The following KCNQ5 variants were observed in gnomAD, a reference collection of about 807,000 sequenced individuals.
KCNQ5 encodes the protein potassium voltage-gated channel subfamily Q member 5, also known as potassium voltage-gated channel subfamily KQT member 5.
Under a neutral mutation model 98.2 loss-of-function variants are expected in KCNQ5, and 30 were observed. That is an observed-to-expected ratio of 0.31 (90% CI 0.23 to 0.41). The LOEUF (loss-of-function observed/expected upper bound fraction) is 0.41, where lower values mean the gene tolerates loss of function less well. Among genes scored for constraint, KCNQ5 ranks in the 10% least tolerant of loss-of-function variants. KCNQ5 has a pLI of 1.00. For missense variants in KCNQ5, 835 were observed against 1,182.5 expected (o/e 0.71, Z 4.31); for synonymous variants, 458 against 449.4 (o/e 1.02, Z -0.24).
chr6:73,070,892 C>T (rs1773274972), intron 3 of KCNQ5, among the ~76,000 whole-genome samples: 1 of 152,112 alleles, frequency 6.6e-6, no homozygotes, highest in Non-Finnish European at 1.5e-5. Context: ...GCTACCTTTA[C>T]CACAAAGACT....
chr6:72,671,701 A>T (rs952793699), intron 1 of KCNQ5, among the ~76,000 whole-genome samples: 8 of 152,204 alleles, frequency 5.3e-5, no homozygotes. Context: ...CTTCCTTGCA[A>T]CCTAGTTCAT....
At chr6:72,773,540 G>T (rs955579296) in intron 1 of KCNQ5, among the ~76,000 whole-genome samples, 1 of 152,068 alleles carries the variant, frequency 6.6e-6, no homozygotes, top group Non-Finnish European at 1.5e-5. Context: ...ACCATGGCAT[G>T]TGTATACCTG....
intron 3 of KCNQ5, among the ~76,000 whole-genome samples, chr6:73,057,555 AG>A (rs1772577870): frequency 6.6e-6 from 1 of 152,118 alleles, no homozygotes; most frequent in Non-Finnish European, 1.5e-5. Context: ...GGTAGGTGAA[AG>A]ATCTCTACAA....
In KCNQ5 at chr6:72,820,484, C is replaced by CT. The variant is rs529567477; in HGVS notation, c.399-183413dup. The stretch of plus-strand genomic sequence containing the variant: ...CTTCTTTTTCTTTCTTTCTTTCTTT[C>CT]TTTTTTTTTTTGTAAGTTGATTTAA... On this transcript the variant is annotated intron_variant, in intron 1 of 13. Transcript: ENST00000370398. 5.7e-3 allele frequency among the ~76,000 whole-genome samples: 834 copies of CT among 145,468 alleles called. 6 individuals are homozygous for CT. Among genetic ancestry groups the CT allele is most frequent in the African/African-American group, 0.016 (628 of 39,956 alleles).
chr6:72,625,550 G>C (rs1010976489), intron 1 of KCNQ5, among the ~76,000 whole-genome samples: 5 of 152,180 alleles, frequency 3.3e-5, no homozygotes, highest in Admixed American at 6.5e-5. Context: ...ACAGGATGAG[G>C]CTTCATATAT....
chr6:72,812,031 G>C (rs762602291), intron 1 of KCNQ5, among the ~76,000 whole-genome samples: 1 of 152,134 alleles, frequency 6.6e-6, no homozygotes, highest in South Asian at 2.1e-4. Context: ...ACTTCCTGAC[G>C]TTGCCATGGT....
intron 1 of KCNQ5, among the ~76,000 whole-genome samples, chr6:72,657,552 A>G (rs1458721371): frequency 6.6e-6 from 1 of 152,226 alleles, no homozygotes; most frequent in Non-Finnish European, 1.5e-5. Context: ...TTTGCCTCAT[A>G]GACTGTAAGT....
At chr6:73,080,690 C>G (rs147049978) in intron 5 of KCNQ5, among the ~76,000 whole-genome samples, 66 of 152,244 alleles carry the variant, frequency 4.3e-4, no homozygotes, top group Middle Eastern at 3.4e-3. Context: ...GAAATGATAG[C>G]ATCCTAAATG....
chr6:73,049,441 G>A (rs1271041831), intron 3 of KCNQ5, among the ~76,000 whole-genome samples: 1 of 152,202 alleles, frequency 6.6e-6, no homozygotes, highest in East Asian at 1.9e-4. Flanking sequence ...AAAAGTCGAG[G>A]CACTGTGAAG....
chr6:72,749,009 C>A (rs759519534), intron 1 of KCNQ5, among the ~76,000 whole-genome samples: 12 of 152,158 alleles, frequency 7.9e-5, no homozygotes, highest in Non-Finnish European at 1.8e-4. Context: ...TCCCTGACCA[C>A]CTGTGGTTTG....
chr6:72,802,504 A>G (rs1015838223), intron 1 of KCNQ5, among the ~76,000 whole-genome samples: 1 of 152,142 alleles, frequency 6.6e-6, no homozygotes, highest in African/African-American at 2.4e-5. Flanking sequence ...AAAGTTAACC[A>G]TTGACTCAGC....
At chr6:73,047,639 A>C (rs575372413) in intron 3 of KCNQ5, among the ~76,000 whole-genome samples, 29 of 152,372 alleles carry the variant, frequency 1.9e-4, no homozygotes, top group African/African-American at 6.5e-4. Context: ...TATAAACTTT[A>C]GTAGAGCACT....
intron 1 of KCNQ5, among the ~76,000 whole-genome samples, chr6:72,891,315 A>T (rs1183264691): frequency 6.6e-6 from 1 of 152,242 alleles, no homozygotes; most frequent in Non-Finnish European, 1.5e-5. Flanking sequence ...TCAATTCTAC[A>T]CTTGAGTATG....
intron 10 of KCNQ5, among the ~76,000 whole-genome samples, chr6:73,147,648 A>C (rs1165517149): frequency 6.6e-6 from 1 of 152,214 alleles, no homozygotes; most frequent in Non-Finnish European, 1.5e-5. Context: ...AGTGCATGGC[A>C]AATAATAGAA....
At chr6:72,912,614 C>T (rs2150207300) in intron 1 of KCNQ5, among the ~76,000 whole-genome samples, 1 of 152,254 alleles carries the variant, frequency 6.6e-6, no homozygotes, top group African/African-American at 2.4e-5. Context: ...TGGCATTCTC[C>T]TAGTATAATA....
chr6:72,677,792 T>C (rs1287081779), intron 1 of KCNQ5, among the ~76,000 whole-genome samples: 4 of 152,216 alleles, frequency 2.6e-5, no homozygotes, highest in Non-Finnish European at 5.9e-5. Context: ...TCTATTGAAC[T>C]ATAAATCAAA....
chr6:73,170,575 A>G (rs1407960266), intron 11 of KCNQ5, among the ~76,000 whole-genome samples: 1 of 150,594 alleles, frequency 6.6e-6, no homozygotes. Context: ...GCAAAAAAAA[A>G]AAAAAGAAAA....
intron 3 of KCNQ5, among the ~76,000 whole-genome samples, chr6:73,075,543 T>C (rs995525381): frequency 6.6e-6 from 1 of 152,154 alleles, no homozygotes; most frequent in Admixed American, 6.5e-5. Flanking sequence ...TTTTTCCTAG[T>C]CATATACTAA....
At chr6:72,640,540 T>G (rs2154471987) in intron 1 of KCNQ5, among the ~76,000 whole-genome samples, 1 of 152,282 alleles carries the variant, frequency 6.6e-6, no homozygotes, top group East Asian at 1.9e-4. Context: ...TCCTGTTGTG[T>G]GTACAAGTTC....
Sources: gnomAD v4.1 joint callset for allele counts (sites outside exome capture counted in the v4.1 genomes callset) on GRCh38, gnomAD v4.1.1 for gene constraint, MANE v1.5 for transcripts, NCBI Gene and HGNC (gene_info 2026-07-23, HGNC 2026-07-21) for gene names.